CDKAL1: variants seen among roughly 807,000 people sequenced by gnomAD.
CDKAL1 encodes threonylcarbamoyladenosine tRNA methylthiotransferase.
CDKAL1 carries 32 observed loss-of-function variants against 68.2 expected under a neutral mutation model. That is an observed-to-expected ratio of 0.47 (90% CI 0.35 to 0.63). The LOEUF is 0.63. CDKAL1 is among the 30% of genes least tolerant of loss of function. The pLI, the probability that CDKAL1 is intolerant of heterozygous loss-of-function variation, is 0.00. For synonymous variants in CDKAL1, 234 were observed against 244.3 expected (o/e 0.96, Z 0.39); for missense variants, 606 against 696.7 (o/e 0.87, Z 1.47).
intron 13 of CDKAL1, among the ~76,000 whole-genome samples, chr6:21,127,155 C>G (rs558484328): frequency 6.6e-6 from 1 of 152,096 alleles, no homozygotes; most frequent in Admixed American, 6.6e-5. Flanking sequence ...GATTTTTACC[C>G]CAGGAACTGA....
intron 9 of CDKAL1, among the ~76,000 whole-genome samples, chr6:20,852,045 A>G (rs1233228622): frequency 2.0e-5 from 3 of 152,170 alleles, no homozygotes; most frequent in South Asian, 2.1e-4. Flanking sequence ...GCTGTATTCA[A>G]TTGAGAAATG....
At chr6:20,822,224 A>G (rs1777315485) in intron 8 of CDKAL1, among the ~76,000 whole-genome samples, 2 of 152,206 alleles carry the variant, frequency 1.3e-5, no homozygotes, top group Admixed American at 6.5e-5. Context: ...TCATAATGCC[A>G]TTTGACAAGT....
At chr6:20,787,762 A>G (rs1291233637) in intron 8 of CDKAL1, among the ~76,000 whole-genome samples, 5 of 152,212 alleles carry the variant, frequency 3.3e-5, no homozygotes, top group Non-Finnish European at 1.5e-5. Context: ...TCTGTGGACC[A>G]GTTAACTATA....
intron 9 of CDKAL1, among the ~76,000 whole-genome samples, chr6:20,945,968 C>T (rs1275889177): frequency 6.6e-6 from 1 of 152,086 alleles, no homozygotes; most frequent in Non-Finnish European, 1.5e-5. Flanking sequence ...TCTTATACAA[C>T]GTATCTAGTG....
At chr6:21,083,589 T>C (rs536573498) in intron 12 of CDKAL1, among the ~76,000 whole-genome samples, 3 of 152,184 alleles carry the variant, frequency 2.0e-5, no homozygotes, top group Admixed American at 6.5e-5. Context: ...AGTACTGTTA[T>C]CTAAATCAGG....
At chr6:21,176,788 G>A (rs749134348) in intron 13 of CDKAL1, among the ~76,000 whole-genome samples, 23 of 141,656 alleles carry the variant, frequency 1.6e-4, no homozygotes, top group Admixed American at 4.6e-4. Context: ...TCCGCCACCC[G>A]GCTTCAAGTG....
At chr6:20,839,881 G>C (rs1167850697) in intron 8 of CDKAL1, among the ~76,000 whole-genome samples, 1 of 152,246 alleles carries the variant, frequency 6.6e-6, no homozygotes, top group African/African-American at 2.4e-5. Flanking sequence ...CAAGAGATTT[G>C]TGTATTTATT....
At chr6:20,753,038 A>G (rs1773997890) in intron 6 of CDKAL1, among the ~76,000 whole-genome samples, 1 of 152,058 alleles carries the variant, frequency 6.6e-6, no homozygotes, top group South Asian at 2.1e-4. Flanking sequence ...ACACTATGCA[A>G]TTCACCCATT....
At chr6:21,207,405 A>C (rs1479406087) in intron 15 of CDKAL1, among the ~76,000 whole-genome samples, 2 of 152,080 alleles carry the variant, frequency 1.3e-5, no homozygotes. Flanking sequence ...GTATACCTGT[A>C]GTCTCAGCTA....
At chr6:20,772,390 G>T in intron 7 of CDKAL1, among the ~76,000 whole-genome samples, 1 of 152,134 alleles carries the variant, frequency 6.6e-6, no homozygotes, top group African/African-American at 2.4e-5. Flanking sequence ...CTGTTCTGAT[G>T]TACATTTGAT....
At chr6:20,915,564 A>G (rs1403804469) in intron 9 of CDKAL1, among the ~76,000 whole-genome samples, 2 of 152,212 alleles carry the variant, frequency 1.3e-5, no homozygotes, top group Admixed American at 1.3e-4. Context: ...GATGTTAATA[A>G]CATACAAAAA....
chr6:20,954,011 T>C (rs1196124164), intron 9 of CDKAL1, among the ~76,000 whole-genome samples: 1 of 152,210 alleles, frequency 6.6e-6, no homozygotes, highest in African/African-American at 2.4e-5. Flanking sequence ...ACTAAAATCT[T>C]ATTTCTATCC....
intron 7 of CDKAL1, among the ~76,000 whole-genome samples, chr6:20,761,264 C>T (rs1774451692): frequency 6.6e-6 from 1 of 152,174 alleles, no homozygotes; most frequent in African/African-American, 2.4e-5. Flanking sequence ...AAATCCAAAA[C>T]ATTGACAACA....
At chr6:21,050,054 G>A (rs1770459172) in intron 11 of CDKAL1, among the ~76,000 whole-genome samples, 1 of 151,982 alleles carries the variant, frequency 6.6e-6, no homozygotes, top group Non-Finnish European at 1.5e-5. Context: ...AGGTAAAATT[G>A]TACCAAATTT....
At chr6:20,908,068 G>A (rs6910032) in intron 9 of CDKAL1, among the ~76,000 whole-genome samples, 145,803 of 152,302 alleles carry the variant, frequency 0.96, 69,806 homozygotes, top group East Asian at 1. Flanking sequence ...TCTAGGGCCA[G>A]TATTAACCCA....
At chr6:20,676,183 T>TAA (rs34499031) in intron 5 of CDKAL1, among the ~76,000 whole-genome samples, 56,720 of 151,852 alleles carry the variant, frequency 0.37, 12,121 homozygotes, top group African/African-American at 0.59. Context: ...TATAGTAAGC[T>TAA]GTTTAGTTTA....
chr6:20,844,850 AGAG>A (rs1212262567), intron 8 of CDKAL1, among the ~76,000 whole-genome samples: 1 of 152,106 alleles, frequency 6.6e-6, no homozygotes, highest in Non-Finnish European at 1.5e-5. Context: ...GAATATGTAA[AGAG>A]AAGACATAGA....
chr6:20,537,589 A>G (rs974241044), intron 2 of CDKAL1, among the ~76,000 whole-genome samples: 3 of 149,766 alleles, frequency 2.0e-5, no homozygotes, highest in African/African-American at 7.5e-5. Context: ...CTGGGCAGCA[A>G]GAGTGAAACT....
At chr6:20,975,367 G>A (rs1010175691) in intron 10 of CDKAL1, among the ~76,000 whole-genome samples, 5 of 152,130 alleles carry the variant, frequency 3.3e-5, no homozygotes, top group African/African-American at 1.2e-4. Flanking sequence ...TTGGTATTTA[G>A]TAGTCCCTTT....
Sources: gnomAD v4.1 joint callset for allele counts (sites outside exome capture counted in the v4.1 genomes callset) on GRCh38, gnomAD v4.1.1 for gene constraint, MANE v1.5 for transcripts, NCBI Gene and HGNC (gene_info 2026-07-23, HGNC 2026-07-21) for gene names.